Variants in QSOX1 observed in about 807,000 individuals in gnomAD.
QSOX1 encodes the protein quiescin sulfhydryl oxidase 1.
A neutral mutation model predicts 76.1 loss-of-function variants in QSOX1; 40 were observed. The ratio of observed to expected loss-of-function variants is 0.53; its 90% CI spans 0.41 to 0.68. The LOEUF is 0.68. Among genes scored for constraint, QSOX1 ranks in the 30% least tolerant of loss-of-function variants. The pLI, the probability that QSOX1 is intolerant of heterozygous loss-of-function variation, is 0.00. For missense variants in QSOX1, 931 were observed against 974.3 expected (o/e 0.96, Z 0.59); for synonymous variants, 392 against 413.1 (o/e 0.95, Z 0.62).
rs745863052 is a variant in QSOX1, at chr1:180,196,279, C to T, written c.1486C>T (p.Pro496Ser). ...CTCTGTAGGTGCCCCCAGCGAGGAC[C>T]CCCAGTTCCCCAAGGTGCAGTGGCC... is the stretch of plus-strand genomic sequence containing the variant. ...ARLAGAPSED[P>S]QFPKVQWPPR... The change falls in exon 12 of 12, where the codon CCC (proline) becomes TCC (serine). Residue 496 changes from proline to serine, a missense_variant. Transcript: ENST00000367602. The surrounding 1 kb of genome is among the most constrained non-coding windows in gnomAD (Gnocchi z 4.1). The T allele has an allele frequency of 6.2e-7, 1 of 1,611,936 alleles. No individual in the cohort carries two copies. The highest frequency in any genetic ancestry group is 1.1e-5 in the South Asian group (1 of 91,032).
At chr1:180,167,024 G>A (rs182216514) in intron 2 of QSOX1, among the ~76,000 whole-genome samples, 134 of 152,322 alleles carry the variant, frequency 8.8e-4, no homozygotes, top group African/African-American at 3.1e-3. Flanking sequence ...AGGGATCCCC[G>A]GCACGGGAGT....
At chr1:180,161,711 A>G (rs1249774342) in intron 1 of QSOX1, among the ~76,000 whole-genome samples, 2 of 152,224 alleles carry the variant, frequency 1.3e-5, no homozygotes, top group East Asian at 3.8e-4. Flanking sequence ...ATTAAAAAGA[A>G]CCAGCAACGT....
chr1:180,185,998 C>G, intron 7 of QSOX1, 55 bp from the exon 8 acceptor site: 1 of 1,594,898 alleles, frequency 6.3e-7, no homozygotes. Flanking sequence ...CTCCTTGCAG[C>G]CCCTGCACCA....
rs1663482076 is a variant in QSOX1 at position 180,196,238 on chromosome 1, G to T, written c.1469-24G>T. 1.3e-6 allele frequency: 2 copies of T among 1,590,470 alleles called. No homozygotes were observed. The highest frequency in any genetic ancestry group is 2.7e-5 in the African/African-American group (2 of 74,724). On this transcript the variant is annotated intron_variant, in intron 11 of 11. Transcript: ENST00000367602. The surrounding 1 kb of genome is among the most constrained non-coding windows in gnomAD (Gnocchi z 4.1). Reference sequence around the variant, plus strand: ...TTGGGTGGGACTGATGTCACCACCAGCCTGTGTATGCTTCCCTCTGTAGGT... The same window carrying T: ...TTGGGTGGGACTGATGTCACCACCATCCTGTGTATGCTTCCCTCTGTAGGT...
At chr1:180,177,162 C>T (rs530808702) in intron 4 of QSOX1, among the ~76,000 whole-genome samples, 2 of 152,188 alleles carry the variant, frequency 1.3e-5, no homozygotes, top group African/African-American at 4.8e-5. Context: ...CTTACACACA[C>T]ACGTACATCC....
chr1:180,196,732 A>T lies in QSOX1; in HGVS notation c.1939A>T (p.Thr647Ser), dbSNP rs1344173908. Residue 647 changes from threonine (T) to serine (S), a missense_variant, in exon 12 of 12, where the codon ACA (threonine) becomes TCA (serine). Transcript: ENST00000367602. The surrounding 1 kb of genome is among the most constrained non-coding windows in gnomAD (Gnocchi z 4.1). Reference protein sequence around the residue: ...LGQWHLSKRDTGAALLAESRA... With the variant: ...LGQWHLSKRDSGAALLAESRA... ...GCAGTGGCACTTGAGCAAGCGAGAC[A>T]CAGGGGCTGCATTGCTGGCTGAGTC... is the stretch of plus-strand genomic sequence containing the variant. 1 of 1,614,120 alleles carries T rather than the reference A, an allele frequency of 6.2e-7. No individual in the cohort carries two copies.
chr1:180,175,897 C>G, intron 3 of QSOX1, 34 bp from the exon 4 acceptor site: 1 of 1,529,594 alleles, frequency 6.5e-7, no homozygotes, highest in South Asian at 1.2e-5. Flanking sequence ...CTCTGCTCTC[C>G]TGACACTCCG....
chr1:180,156,655 C>T (rs1234213420), intron 1 of QSOX1, among the ~76,000 whole-genome samples: 1 of 152,166 alleles, frequency 6.6e-6, no homozygotes, highest in Non-Finnish European at 1.5e-5. Flanking sequence ...CTCCAGTTTA[C>T]ACTTGCCTAC....
chr1:180,194,344 G>C lies in QSOX1; in HGVS notation c.1420G>C (p.Val474Leu). The change falls in exon 11 of 12, where the codon GTC becomes CTC. Residue 474 changes from valine (V) to leucine (L), a missense_variant. Transcript: ENST00000367602. ...CCGGGTGGGGAGTCCCAACGCCGCT[G>C]TCCTCTGGCTCTGGTCTAGCCACAA... ...MHRVGSPNAA[V>L]LWLWSSHNRV... 6.2e-7 allele frequency: 1 copy of C among 1,601,390 alleles called. No homozygotes were observed. Among genetic ancestry groups the C allele is most frequent in the East Asian group, 2.2e-5 (1 of 44,496 alleles).
In QSOX1 at chr1:180,202,009, A is replaced by G. The variant is rs1663645666; in HGVS notation, c.*4972A>G. ...AGCTGCCGGCTGAGTCTCTCTGGCC[A>G]CCCTCACTGGCCCCATCACTCCAGG... is the stretch of plus-strand genomic sequence containing the variant. On this transcript the variant is annotated 3_prime_UTR_variant, in exon 12 of 12. Transcript: ENST00000367602. The G allele has an allele frequency of 6.6e-6, 1 of 151,344 alleles. No homozygotes were observed. Among genetic ancestry groups the G allele is most frequent in the African/African-American group, 2.4e-5 (1 of 41,112 alleles). 9.4% of individuals were successfully genotyped at this position (151,344 alleles called of 1,614,324 possible). A position where few individuals can be genotyped will look rare whatever the true frequency, so the allele number is the denominator to read the frequency against.
In QSOX1 at chr1:180,175,346, G is replaced by T; in HGVS notation, c.392G>T (p.Gly131Val). ...VRFFKAFTKN[G>V]SGAVFPVAGA... ...TTCTTCAAGGCCTTTACCAAGAACG[G>T]CTCGGGAGCAGTATTTCCAGGTGGG... is the stretch of plus-strand genomic sequence containing the variant. The change falls in exon 3 of 12, where the codon GGC becomes GTC. Residue 131 changes from glycine (G) to valine (V), a missense_variant. Transcript: ENST00000367602. The T allele has an allele frequency of 6.2e-7, 1 of 1,614,034 alleles. No individual in the cohort carries two copies. Among genetic ancestry groups the T allele is most frequent in the Non-Finnish European group, 8.5e-7 (1 of 1,179,994 alleles).
chr1:180,175,471 C>A, intron 3 of QSOX1, 105 bp downstream of exon 3: 1 of 1,263,602 alleles, frequency 7.9e-7, no homozygotes, highest in South Asian at 1.2e-5. Flanking sequence ...TCGGCAGGGT[C>A]GAGGGTGAGG....
chr1:180,170,373 C>T (rs1026116031), intron 2 of QSOX1, among the ~76,000 whole-genome samples: 2 of 152,168 alleles, frequency 1.3e-5, no homozygotes, highest in Non-Finnish European at 2.9e-5. Context: ...TCCTCATGGG[C>T]TTACCATAAA....
intron 10 of QSOX1, among the ~76,000 whole-genome samples, chr1:180,191,352 C>T (rs868401481): frequency 1.6e-4 from 25 of 152,116 alleles, no homozygotes; most frequent in East Asian, 5.8e-4. Context: ...GCAGGCTCGA[C>T]GCCATTGGGA....
chr1:180,180,554 G>A (rs1359176804), intron 5 of QSOX1, among the ~76,000 whole-genome samples: 1 of 152,172 alleles, frequency 6.6e-6, no homozygotes, highest in South Asian at 2.1e-4. Context: ...TCGCTCTGTC[G>A]CCCAGGCGGG....
chr1:180,188,577 G>A (rs997143399), intron 8 of QSOX1, among the ~76,000 whole-genome samples: 4 of 152,230 alleles, frequency 2.6e-5, no homozygotes, highest in South Asian at 2.1e-4. Context: ...GTGTCAAAGC[G>A]TGGTCTTTTC....
rs892580630 is a variant in QSOX1 at position 180,178,831 on chromosome 1, G to A, written c.553G>A (p.Glu185Lys). ...TGATGGATTCTTTGCGAGAAATAAC[G>A]AAGAGTACCTGGCTCTGATCTTTGA... The part of the protein sequence containing the change: ...EIDGFFARNN[E>K]EYLALIFEKG... Residue 185 changes from glutamate to lysine, a missense_variant, in exon 5 of 12, where the codon GAA (glutamate) becomes AAA (lysine). By Grantham distance (56) the Glu-to-Lys change is moderately conservative. Transcript: ENST00000367602. 2.0e-5 allele frequency: 33 copies of A among 1,613,848 alleles called. 1 individual carries two copies. The East Asian group carries it at 2.5e-4, about 12-fold the overall frequency.
chr1:180,155,036 G>T lies in QSOX1; in HGVS notation c.129G>T (p.Thr43=). ...SALYSPSDPL[T]LLQADTVRGA... ...TCTATTCGCCTTCCGACCCGCTGAC[G>T]CTGCTGCAGGCGGACACGGTGCGCG... is the stretch of plus-strand genomic sequence containing the variant. The change falls in exon 1 of 12, where the codon ACG becomes ACT. Residue 43 remains threonine (T), a synonymous_variant. Transcript: ENST00000367602. The T allele has an allele frequency of 3.3e-6, 5 of 1,512,936 alleles. No individual in the cohort carries two copies. Among genetic ancestry groups the T allele is most frequent in the Non-Finnish European group, 3.5e-6 (4 of 1,137,870 alleles). The allele number at this position is 1,512,936 out of a possible 1,614,324, so 93.7% of individuals were successfully genotyped here. A position where few individuals can be genotyped will look rare whatever the true frequency, so the allele number is the denominator to read the frequency against.
intron 2 of QSOX1, among the ~76,000 whole-genome samples, chr1:180,167,070 G>A (rs1317655885): frequency 6.6e-6 from 1 of 152,214 alleles, no homozygotes; most frequent in African/African-American, 2.4e-5. Context: ...TGTCACCCCC[G>A]CTCTGGTGGA....
Sources: gnomAD v4.1 joint callset for allele counts (sites outside exome capture counted in the v4.1 genomes callset) on GRCh38, gnomAD v4.1.1 for gene constraint, Gnocchi (gnomAD v3.1) non-coding constraint, MANE v1.5 for transcripts, NCBI Gene and HGNC (gene_info 2026-07-23, HGNC 2026-07-21) for gene names.